Variants in PDE3B observed in about 807,000 individuals in gnomAD.
PDE3B encodes the protein cGMP-inhibited 3',5'-cyclic phosphodiesterase 3B.
PDE3B carries 66 observed loss-of-function variants against 116.8 expected under a neutral mutation model. The ratio of observed to expected loss-of-function variants is 0.56; its 90% CI spans 0.46 to 0.69. The LOEUF (loss-of-function observed/expected upper bound fraction) is 0.69. Among genes scored for constraint, PDE3B ranks in the 30% least tolerant of loss-of-function variants. PDE3B has a pLI of 0.00. For missense variants in PDE3B, 1,384 were observed against 1,368.1 expected (o/e 1.01, Z -0.18); for synonymous variants, 595 against 533.6 (o/e 1.12, Z -1.59).
At position 14,812,199 on chromosome 11, in the gene PDE3B, C is replaced by T. The variant is rs113816420; in HGVS notation, c.1523-5984C>T. On this transcript the variant is annotated intron_variant, in intron 5 of 15. Transcript: ENST00000282096. ...AGATAGTGGTGATAGTTGCACAACT[C>T]TGTGGATTTCTAAAATTCAGTGAAT... is the stretch of plus-strand genomic sequence containing the variant. 4.5e-3 allele frequency among the ~76,000 whole-genome samples: 685 copies of T among 152,182 alleles called. 9 individuals are homozygous for T. The highest frequency in any genetic ancestry group is 0.016 in the African/African-American group (666 of 41,502).
chr11:14,748,890 C>CTTT (rs372787656), intron 1 of PDE3B, among the ~76,000 whole-genome samples: 1 of 137,644 alleles, frequency 7.3e-6, no homozygotes, highest in Admixed American at 7.3e-5. Context: ...TCTTTTCTTT[C>CTTT]TTTTTTTTTT....
intron 1 of PDE3B, among the ~76,000 whole-genome samples, chr11:14,713,515 C>T (rs1482082111): frequency 6.6e-6 from 1 of 152,130 alleles, no homozygotes; most frequent in Non-Finnish European, 1.5e-5. Flanking sequence ...ATTGGCCCTT[C>T]CTGGGTCCCA....
chr11:14,753,646 A>G (rs1218191954), intron 1 of PDE3B, among the ~76,000 whole-genome samples: 2 of 152,148 alleles, frequency 1.3e-5, no homozygotes, highest in Non-Finnish European at 2.9e-5. Context: ...CTCTGTGTTT[A>G]AATGATAGAA....
intron 1 of PDE3B, among the ~76,000 whole-genome samples, chr11:14,709,675 A>G (rs969372672): frequency 6.6e-6 from 1 of 152,194 alleles, no homozygotes; most frequent in African/African-American, 2.4e-5. Context: ...CCGCACCACT[A>G]GTGCCAAGAT....
intron 2 of PDE3B, chr11:14,775,739 G>A (rs1156895191): frequency 6.6e-6 from 1 of 152,152 alleles, no homozygotes; most frequent in Non-Finnish European, 1.5e-5. Context: ...ATTTCTCCAT[G>A]TTGGTCAGGC....
At chr11:14,723,037 A>G (rs1590090569) in intron 1 of PDE3B, among the ~76,000 whole-genome samples, 1 of 152,364 alleles carries the variant, frequency 6.6e-6, no homozygotes, top group Middle Eastern at 3.4e-3. Context: ...GCCATCCTAA[A>G]TGGCATCTGG....
intron 2 of PDE3B, chr11:14,775,098 T>C (rs955480479): frequency 1.3e-5 from 2 of 152,172 alleles, no homozygotes; most frequent in African/African-American, 2.4e-5. Flanking sequence ...CACATCTTTT[T>C]CCCTTAACTT....
In PDE3B at chr11:14,722,169, G is replaced by A. The variant is rs190767770; in HGVS notation, c.979-49768G>A. On this transcript the variant is annotated intron_variant, in intron 1 of 15. Transcript: ENST00000282096. ...CACCAGGGCCTGTTGTGGAATAGGG[G>A]GACGGGGGAGGGAATAGCATTAGGA... Among the ~76,000 whole-genome samples, 280 of 150,966 alleles carry A rather than the reference G, an allele frequency of 1.9e-3. 1 individual carries two copies. Among genetic ancestry groups the A allele is most frequent in the African/African-American group, 6.3e-3 (259 of 41,078 alleles).
chr11:14,725,212 C>G (rs989456958), intron 1 of PDE3B, among the ~76,000 whole-genome samples: 10 of 152,202 alleles, frequency 6.6e-5, no homozygotes, highest in African/African-American at 2.4e-4. Flanking sequence ...ACCATTCACC[C>G]AAATTGGCAG....
chr11:14,860,394 A>G (rs553164997), intron 13 of PDE3B, among the ~76,000 whole-genome samples: 61 of 152,040 alleles, frequency 4.0e-4, no homozygotes, highest in African/African-American at 1.5e-3. Flanking sequence ...TTTCTGAAAG[A>G]GTTTGGTGCC....
downstream of PDE3B, among the ~76,000 whole-genome samples, chr11:14,873,926 G>A (rs1396205378): frequency 2.0e-5 from 3 of 152,098 alleles, no homozygotes; most frequent in South Asian, 2.1e-4. Context: ...GGTGGTTCAC[G>A]CTGCAATCCC....
intron 10 of PDE3B, among the ~76,000 whole-genome samples, chr11:14,834,320 A>G (rs1350877131): frequency 6.6e-6 from 1 of 152,170 alleles, no homozygotes; most frequent in East Asian, 1.9e-4. Context: ...TGTATTATCT[A>G]ACTTTTATAG....
At chr11:14,676,598 A>G (rs530995366) in intron 1 of PDE3B, among the ~76,000 whole-genome samples, 32 of 152,302 alleles carry the variant, frequency 2.1e-4, no homozygotes, top group Non-Finnish European at 3.8e-4. Context: ...GTACACTATT[A>G]TGGACTTTAT....
chr11:14,697,440 C>T (rs1182051195), intron 1 of PDE3B, among the ~76,000 whole-genome samples: 2 of 152,064 alleles, frequency 1.3e-5, no homozygotes, highest in African/African-American at 4.8e-5. Flanking sequence ...TGTTTTTGGA[C>T]TCTGTTCCAT....
chr11:14,829,693 G>A (rs915373225), intron 7 of PDE3B, among the ~76,000 whole-genome samples: 12 of 152,044 alleles, frequency 7.9e-5, no homozygotes, highest in Non-Finnish European at 1.5e-4. Context: ...CCTACCTGAT[G>A]GTGGAGGGTG....
At chr11:14,708,364 C>G (rs545161137) in intron 1 of PDE3B, among the ~76,000 whole-genome samples, 12 of 152,158 alleles carry the variant, frequency 7.9e-5, no homozygotes, top group African/African-American at 2.9e-4. Flanking sequence ...CCAAATAAAT[C>G]CTTTTTCTTT....
chr11:14,680,428 A>G (rs921451541), intron 1 of PDE3B, among the ~76,000 whole-genome samples: 1 of 152,166 alleles, frequency 6.6e-6, no homozygotes, highest in Non-Finnish European at 1.5e-5. Flanking sequence ...TTTGACCTTT[A>G]CAAATTAAAC....
intron 1 of PDE3B, among the ~76,000 whole-genome samples, chr11:14,741,678 T>C (rs1434668091): frequency 6.6e-6 from 1 of 152,162 alleles, no homozygotes; most frequent in East Asian, 1.9e-4. Flanking sequence ...AGTTTCTTCA[T>C]AGTGTCGATG....
the PDE3B span, among the ~76,000 whole-genome samples, chr11:14,895,255 T>A: frequency 3.3e-5 from 5 of 152,232 alleles, no homozygotes; most frequent in Non-Finnish European, 7.3e-5. Flanking sequence ...GCATTCTCAG[T>A]GTGTTTCATC....
Sources: gnomAD v4.1 joint callset for allele counts (sites outside exome capture counted in the v4.1 genomes callset) on GRCh38, gnomAD v4.1.1 for gene constraint, MANE v1.5 for transcripts, NCBI Gene and HGNC (gene_info 2026-07-23, HGNC 2026-07-21) for gene names.